CCDC3: variants seen among roughly 807,000 people sequenced by gnomAD.
CCDC3 encodes the protein coiled-coil domain-containing protein 3.
Under a neutral mutation model 21.4 loss-of-function variants are expected in CCDC3, and 24 were observed. That is an observed-to-expected ratio of 1.12 (90% CI 0.81 to 1.58). The LOEUF (loss-of-function observed/expected upper bound fraction) is 1.58, where lower values mean the gene tolerates loss of function less well. Among genes scored for constraint, CCDC3 ranks in the 40% most tolerant of loss-of-function variants. The probability of loss-of-function intolerance (pLI) is 0.00; values close to 1 mark genes in which losing one functional copy is unlikely to be tolerated. For synonymous variants in CCDC3, 186 were observed against 166.0 expected (o/e 1.12, Z -0.93); for missense variants, 425 against 360.9 (o/e 1.18, Z -1.44).
chr10:13,078,469 A>T (rs1836992460), intron 3 of CCDC3, among the ~76,000 whole-genome samples: 1 of 152,250 alleles, frequency 6.6e-6, no homozygotes. Context: ...TCAAGGATCT[A>T]GAACTAGAAA....
At chr10:13,015,904 T>TA (rs967363079) in intron 5 of CCDC3, among the ~76,000 whole-genome samples, 15 of 151,930 alleles carry the variant, frequency 9.9e-5, no homozygotes, top group African/African-American at 2.7e-4. Context: ...GTGACTGTAG[T>TA]AAAAAAATAA....
At chr10:12,945,721 T>A (rs962174030) in intron 2 of CCDC3, among the ~76,000 whole-genome samples, 15 of 152,242 alleles carry the variant, frequency 9.9e-5, no homozygotes, top group African/African-American at 3.6e-4. Context: ...TTTATCAAGA[T>A]AATTTCCCGT....
chr10:13,012,629 GA>G (rs916713714), intron 5 of CCDC3, among the ~76,000 whole-genome samples: 2 of 151,614 alleles, frequency 1.3e-5, no homozygotes, highest in Non-Finnish European at 2.9e-5. Flanking sequence ...AAAGAAAAAA[GA>G]AAAAAAAGAA....
chr10:13,064,820 C>T (rs939871529), intron 4 of CCDC3, among the ~76,000 whole-genome samples: 3 of 152,108 alleles, frequency 2.0e-5, no homozygotes, highest in African/African-American at 7.2e-5. Context: ...TACACTGGTT[C>T]TGTCCTGAAA....
intron 2 of CCDC3, among the ~76,000 whole-genome samples, chr10:12,991,688 A>T (rs571084135): frequency 1.3e-5 from 2 of 152,310 alleles, no homozygotes; most frequent in African/African-American, 4.8e-5. Flanking sequence ...CTCCAGCGCC[A>T]GTCAAGATGA....
intron 2 of CCDC3, among the ~76,000 whole-genome samples, chr10:12,919,650 G>A (rs556433884): frequency 2.0e-5 from 3 of 151,162 alleles, no homozygotes; most frequent in South Asian, 2.1e-4. Context: ...AGGGATTATC[G>A]GCTCCGGGGC....
intron 5 of CCDC3, among the ~76,000 whole-genome samples, chr10:13,020,319 A>T (rs1238513966): frequency 6.6e-6 from 1 of 152,146 alleles, no homozygotes; most frequent in Non-Finnish European, 1.5e-5. Flanking sequence ...AATTGTCAAC[A>T]CCTAAGGTTA....
At chr10:12,991,628 C>T (rs1835684365) in intron 2 of CCDC3, among the ~76,000 whole-genome samples, 1 of 152,162 alleles carries the variant, frequency 6.6e-6, no homozygotes, top group Admixed American at 6.5e-5. Flanking sequence ...ACCACCAATC[C>T]TGGCTTTGAA....
chr10:12,994,694 T>C (rs1835733441), intron 2 of CCDC3, among the ~76,000 whole-genome samples: 1 of 152,136 alleles, frequency 6.6e-6, no homozygotes, highest in African/African-American at 2.4e-5. Context: ...GCTTCTGACA[T>C]AACATGGTGT....
chr10:13,097,210 G>GT lies in CCDC3; in HGVS notation c.-503+1314dup, dbSNP rs34824090. Among the ~76,000 whole-genome samples, 1,137 of 152,234 alleles carry GT rather than the reference G, an allele frequency of 7.5e-3. 12 individuals carry two copies. Among genetic ancestry groups the GT allele is most frequent in the African/African-American group, 0.024 (1,003 of 41,532 alleles). On this transcript the variant is annotated intron_variant, in intron 3 of 6. Transcript: ENST00000378839. ...CAGCTAAGAGCATGCTATTATTTCA[G>GT]TTTTTTCGCTGCATTTAGATTCCAT... is the stretch of plus-strand genomic sequence containing the variant.
In CCDC3 at chr10:13,000,692, C is replaced by T. The variant is rs534999737; in HGVS notation, c.374+505G>A. ...GTCAACTTCTAACCTGCACCAGGTG[C>T]TTTGCATGAGTTACGTTCCTCACTC... is the stretch of plus-strand genomic sequence containing the variant. On this transcript the variant is annotated intron_variant, in intron 1 of 2. Coordinates refer to ENST00000378825, the MANE Select transcript of CCDC3 (RefSeq NM_031455.4). Among the ~76,000 whole-genome samples the T allele has an allele frequency of 1.3e-3, 195 of 152,310 alleles. 1 individual carries two copies. The highest frequency in any genetic ancestry group is 4.6e-3 in the African/African-American group (190 of 41,556).
chr10:12,909,777 C>T (rs1345528114), intron 2 of CCDC3, among the ~76,000 whole-genome samples: 2 of 152,188 alleles, frequency 1.3e-5, no homozygotes, highest in Non-Finnish European at 2.9e-5. Flanking sequence ...CTGCTCCCTC[C>T]CCACTGGTGC....
chr10:12,931,083 C>T (rs115989126), intron 2 of CCDC3, among the ~76,000 whole-genome samples: 4,226 of 151,896 alleles, frequency 0.028, 185 homozygotes, highest in African/African-American at 0.098. Flanking sequence ...TGGTGGCCTG[C>T]GGCTGTAATC....
At chr10:13,033,269 G>A (rs1235826293) in intron 5 of CCDC3, among the ~76,000 whole-genome samples, 3 of 152,294 alleles carry the variant, frequency 2.0e-5, no homozygotes, top group Non-Finnish European at 4.4e-5. Context: ...AAATGGTGCT[G>A]GGAAAACTGG....
intron 2 of CCDC3, among the ~76,000 whole-genome samples, chr10:12,917,171 TTTC>T (rs1231450137): frequency 1.6e-5 from 2 of 127,454 alleles, no homozygotes; most frequent in South Asian, 2.6e-4. Context: ...AATGTCCTTA[TTTC>T]TTCTTCTTTT....
At chr10:13,020,168 C>A (rs1010168211) in intron 5 of CCDC3, among the ~76,000 whole-genome samples, 1 of 152,176 alleles carries the variant, frequency 6.6e-6, no homozygotes, top group Non-Finnish European at 1.5e-5. Flanking sequence ...AAAACCAAAT[C>A]CCCACTCTGA....
chr10:12,908,576 GAAA>G (rs1564278922), intron 2 of CCDC3, among the ~76,000 whole-genome samples: 1 of 151,110 alleles, frequency 6.6e-6, no homozygotes, highest in African/African-American at 2.4e-5. Flanking sequence ...GAAGGGTGCT[GAAA>G]TCACAGATTC....
intron 5 of CCDC3, among the ~76,000 whole-genome samples, chr10:13,028,626 A>T (rs633739): frequency 0.8 from 121,939 of 152,106 alleles, 49,880 homozygotes; most frequent in Non-Finnish European, 0.88. Flanking sequence ...TTGTCCCATC[A>T]CATCAGAAAA....
At chr10:13,068,947 G>A (rs1333659910) in intron 4 of CCDC3, among the ~76,000 whole-genome samples, 1 of 152,212 alleles carries the variant, frequency 6.6e-6, no homozygotes, top group East Asian at 1.9e-4. Context: ...TTAATCAAAT[G>A]ATGAAAGGAG....
Sources: allele counts gnomAD v4.1 joint callset (sites outside exome capture counted in the v4.1 genomes callset), GRCh38; gene constraint gnomAD v4.1.1; transcripts MANE v1.5; gene names NCBI Gene and HGNC (gene_info 2026-07-23, HGNC 2026-07-21).